SCRN3: variants seen among roughly 807,000 people sequenced by gnomAD.
SCRN3 encodes secernin 3, also known as secernin-3.
SCRN3 carries 39 observed loss-of-function variants against 43.1 expected under a neutral mutation model. That is an observed-to-expected ratio of 0.91 (90% CI 0.70 to 1.18). The LOEUF (loss-of-function observed/expected upper bound fraction) is 1.18. Among genes scored for constraint, SCRN3 ranks in the 50% most tolerant of loss-of-function variants. The pLI, the probability that SCRN3 is intolerant of heterozygous loss-of-function variation, is 0.00. For missense variants in SCRN3, 484 were observed against 498.0 expected (o/e 0.97, Z 0.27); for synonymous variants, 147 against 163.1 (o/e 0.90, Z 0.75).
Position 174,428,022 on chromosome 2 carries a change from T to C in SCRN3, c.*127T>C, listed in dbSNP as rs1234861915. On this transcript the variant is annotated 3_prime_UTR_variant, in exon 8 of 8. Coordinates refer to ENST00000272732, the MANE Select transcript of SCRN3 (RefSeq NM_024583.5). ...CAGATCTGATTATTCTTGGATAGTA[T>C]TCAAGTGGTATCTTGACTATTAAAC... The C allele has an allele frequency of 1.7e-6, 1 of 573,612 alleles. No individual in the cohort carries two copies. The highest frequency in any genetic ancestry group is 3.0e-6 in the Non-Finnish European group (1 of 333,840). 35.5% of individuals were successfully genotyped at this position (573,612 alleles called of 1,614,324 possible). A position where few individuals can be genotyped will look rare whatever the true frequency, so the allele number is the denominator to read the frequency against.
rs146476646 is a variant in SCRN3, at chr2:174,424,704, C to T, written c.1092+55C>T. 3.9e-4 allele frequency: 562 copies of T among 1,423,816 alleles called. 1 individual carries two copies. The African/African-American group carries it at 6.0e-3, about 15-fold the overall frequency. The allele number at this position is 1,423,816 out of a possible 1,614,324, so 88.2% of individuals were successfully genotyped here. A position where few individuals can be genotyped will look rare whatever the true frequency, so the allele number is the denominator to read the frequency against. On this transcript the variant is annotated intron_variant, in intron 7 of 7. Coordinates refer to ENST00000272732, the MANE Select transcript of SCRN3 (RefSeq NM_024583.5). ...ATTAAGTGTAAAGTTAGATTCAATCCGTATTTTGAACTTTGGAGTATCAGC... is the reference window on the plus strand; with the variant it reads ...ATTAAGTGTAAAGTTAGATTCAATCTGTATTTTGAACTTTGGAGTATCAGC...
At position 174,398,383 on chromosome 2, in the gene SCRN3, G is replaced by C. The variant is rs1414036558; in HGVS notation, c.100G>C (p.Val34Leu). The change falls in exon 2 of 8, where the codon GTA becomes CTA. Residue 34 changes from valine (V) to leucine (L), a missense_variant. Val to Leu is a conservative substitution (Grantham distance 32). Transcript: ENST00000272732. ...AAATTCAGATAGACTCTATGATGAAGTACAAGAGGTGGTTTATTTTCCTGC... is the reference window on the plus strand; with the variant it reads ...AAATTCAGATAGACTCTATGATGAACTACAAGAGGTGGTTTATTTTCCTGC... ...GKNSDRLYDE[V>L]QEVVYFPAVV... is the part of the protein sequence containing the mutation. 1 of 1,607,700 alleles carries C rather than the reference G, an allele frequency of 6.2e-7. No individual in the cohort carries two copies. The highest frequency in any genetic ancestry group is 8.5e-7 in the Non-Finnish European group (1 of 1,177,896).
intron 7 of SCRN3, among the ~76,000 whole-genome samples, chr2:174,425,570 GGCATTGTTTCTAT>G (rs1686452758): frequency 6.6e-6 from 1 of 151,868 alleles, no homozygotes; most frequent in Non-Finnish European, 1.5e-5. Context: ...CTGCAGTGTT[GGCATTGTTTCTAT>G]GCCTTTTTTT....
rs748871649 is a variant in SCRN3 at position 174,404,174 on chromosome 2, A to C, written c.613A>C (p.Asn205His). The C allele has an allele frequency of 7.4e-6, 12 of 1,613,904 alleles. No individual in the cohort carries two copies. The Admixed American group carries it at 1.8e-4, about 25-fold the overall frequency. ...KIAREHPDMR[N>H]YAKRKGWWDG... ...TGCCCGGGAACACCCAGACATGAGA[A>C]ACTATGCTAAGCGGAAAGGTTGGTG... Residue 205 changes from asparagine (N) to histidine (H), a missense_variant, in exon 5 of 8, where the codon AAC becomes CAC. Coordinates refer to ENST00000272732, the MANE Select transcript of SCRN3 (RefSeq NM_024583.5).
At chr2:174,403,865 C>T (rs550630285) in intron 4 of SCRN3, among the ~76,000 whole-genome samples, 1 of 147,798 alleles carries the variant, frequency 6.8e-6, no homozygotes. Context: ...AAAGGGTACA[C>T]AGTATCTCTC....
intron 5 of SCRN3, among the ~76,000 whole-genome samples, chr2:174,420,154 C>G (rs1686249257): frequency 8.3e-6 from 1 of 120,556 alleles, no homozygotes; most frequent in Non-Finnish European, 1.8e-5. Flanking sequence ...CTGCTAGGAG[C>G]CTTAAAAGCT....
intron 4 of SCRN3, 62 bp downstream of exon 4, chr2:174,401,251 T>C (rs1685500855): frequency 9.7e-6 from 12 of 1,238,908 alleles, no homozygotes; most frequent in South Asian, 2.7e-5. Context: ...CCCTTACCTA[T>C]AGATATTGCA....
chr2:174,422,607 T>G (rs543933476), intron 5 of SCRN3, among the ~76,000 whole-genome samples: 1 of 151,752 alleles, frequency 6.6e-6, no homozygotes, highest in Admixed American at 6.6e-5. Context: ...GGCAATGGGA[T>G]TGAATATATT....
At chr2:174,412,614 C>T (rs184694868) in intron 5 of SCRN3, among the ~76,000 whole-genome samples, 67 of 152,204 alleles carry the variant, frequency 4.4e-4, no homozygotes, top group South Asian at 1.2e-3. Context: ...AGCAGTTGGG[C>T]AAAGAAGGGA....
intron 7 of SCRN3, among the ~76,000 whole-genome samples, chr2:174,426,382 T>G (rs1294020315): frequency 6.6e-6 from 1 of 152,192 alleles, no homozygotes; most frequent in Non-Finnish European, 1.5e-5. Context: ...ATGTAGTGTT[T>G]CCTCAGAAAA....
chr2:174,397,556 G>T (rs1039138029), intron 1 of SCRN3, among the ~76,000 whole-genome samples: 10 of 152,174 alleles, frequency 6.6e-5, no homozygotes, highest in Non-Finnish European at 1.2e-4. Context: ...GAATTATAAT[G>T]TGTATTATTT....
At chr2:174,396,048 T>C (rs751206280) in intron 1 of SCRN3, 175 of 1,280,450 alleles carry the variant, frequency 1.4e-4, no homozygotes, top group Non-Finnish European at 1.6e-4. Context: ...GCAAAAGCTT[T>C]TCTGCACTGT....
chr2:174,419,337 C>T (rs1022221915), intron 5 of SCRN3, among the ~76,000 whole-genome samples: 49 of 152,120 alleles, frequency 3.2e-4, no homozygotes, highest in African/African-American at 1.2e-4. Context: ...TTAAACATTT[C>T]CATATAAAGT....
At chr2:174,422,174 C>T (rs1686313962) in intron 5 of SCRN3, among the ~76,000 whole-genome samples, 1 of 152,066 alleles carries the variant, frequency 6.6e-6, no homozygotes, top group Admixed American at 6.6e-5. Flanking sequence ...TTCTGTAATC[C>T]TGGCACTTTG....
At chr2:174,411,592 T>A (rs1685918588) in intron 5 of SCRN3, among the ~76,000 whole-genome samples, 2 of 152,186 alleles carry the variant, frequency 1.3e-5, no homozygotes, top group African/African-American at 4.8e-5. Context: ...TTCAAGTTTT[T>A]AAAAAATCGT....
At chr2:174,410,959 C>G (rs35989916) in intron 5 of SCRN3, among the ~76,000 whole-genome samples, 29,649 of 152,124 alleles carry the variant, frequency 0.19, 3,389 homozygotes, top group Middle Eastern at 0.37. Flanking sequence ...ACCTTAGAGG[C>G]TAGAGTGTTA....
chr2:174,421,384 A>G (rs1049712464), intron 5 of SCRN3, among the ~76,000 whole-genome samples: 1 of 152,218 alleles, frequency 6.6e-6, no homozygotes, highest in African/African-American at 2.4e-5. Flanking sequence ...CTAGACAAAC[A>G]TTGTTGAAAA....
chr2:174,395,884 C>T (rs958370860), intron 1 of SCRN3, 67 bp downstream of exon 1: 26 of 1,444,696 alleles, frequency 1.8e-5, no homozygotes, highest in Non-Finnish European at 2.2e-5. Context: ...CCAACTGTGG[C>T]GCGGCACTGC....
intron 5 of SCRN3, among the ~76,000 whole-genome samples, chr2:174,417,107 T>C (rs868533349): frequency 1.3e-5 from 2 of 152,308 alleles, no homozygotes; most frequent in Middle Eastern, 3.4e-3. Context: ...TAAAGCATGT[T>C]ATACTAAGGA....
Sources: allele counts gnomAD v4.1 joint callset (sites outside exome capture counted in the v4.1 genomes callset), GRCh38; gene constraint gnomAD v4.1.1; transcripts MANE v1.5; gene names NCBI Gene and HGNC (gene_info 2026-07-23, HGNC 2026-07-21).